Variants in BTBD9 observed in about 807,000 individuals in gnomAD.
BTBD9 encodes the protein BTB domain containing 9, also known as BTB/POZ domain-containing protein 9.
In BTBD9, 49 loss-of-function variants were observed where a neutral mutation model predicts 64.3. That is an observed-to-expected ratio of 0.76 (90% CI 0.61 to 0.97). BTBD9 has a LOEUF of 0.97. Ranked by LOEUF, BTBD9 falls within the 50% of genes least tolerant of loss-of-function variation. The pLI, the probability that BTBD9 is intolerant of heterozygous loss-of-function variation, is 0.00. For synonymous variants in BTBD9, 260 were observed against 274.7 expected, an observed-to-expected ratio of 0.95 and a Z score of 0.53; for missense variants, 598 against 762.1, an observed-to-expected ratio of 0.78 and a Z score of 2.53.
intron 6 of BTBD9, among the ~76,000 whole-genome samples, chr6:38,425,137 G>A (rs1470870428): frequency 7.2e-6 from 1 of 139,234 alleles, no homozygotes; most frequent in Admixed American, 7.4e-5. Context: ...TTTTGAGTGA[G>A]AGTCTTGCTC....
chr6:38,425,722 A>G (rs1447459492), intron 6 of BTBD9, among the ~76,000 whole-genome samples: 2 of 151,302 alleles, frequency 1.3e-5, no homozygotes, highest in Non-Finnish European at 1.5e-5. Context: ...AGTTTGGGCA[A>G]CACAGTGAGA....
intron 6 of BTBD9, among the ~76,000 whole-genome samples, chr6:38,386,593 G>C (rs1377143099): frequency 2.1e-5 from 3 of 144,962 alleles, no homozygotes; most frequent in African/African-American, 7.6e-5. Flanking sequence ...TAAAATTATA[G>C]TGATATTTAT....
At chr6:38,214,938 G>C (rs1762962684) in intron 9 of BTBD9, among the ~76,000 whole-genome samples, 1 of 152,206 alleles carries the variant, frequency 6.6e-6, no homozygotes, top group South Asian at 2.1e-4. Context: ...ATGCCAAAAA[G>C]TCAAAAATTG....
At chr6:38,219,044 G>A (rs1237495248) in intron 9 of BTBD9, among the ~76,000 whole-genome samples, 2 of 151,794 alleles carry the variant, frequency 1.3e-5, no homozygotes, top group Non-Finnish European at 2.9e-5. Context: ...GAGCAATACA[G>A]CCCAAGTGCT....
In BTBD9 at chr6:38,268,330, G is replaced by T. The variant is rs148801988; in HGVS notation, c.1455-11814C>A. The stretch of plus-strand genomic sequence containing the variant: ...AGCGCCAAAGAGAAATTTAATAAGT[G>T]CCATGGCTCCTCCCTGTTCCCTTGG... On this transcript the variant is annotated intron_variant, in intron 8 of 10. Transcript: ENST00000481247. Among the ~76,000 whole-genome samples, 824 of 152,270 alleles carry T rather than the reference G, an allele frequency of 5.4e-3. 6 individuals carry two copies. The highest frequency in any genetic ancestry group is 0.018 in the African/African-American group (734 of 41,554).
intron 6 of BTBD9, among the ~76,000 whole-genome samples, chr6:38,477,819 C>T (rs1271278140): frequency 6.6e-6 from 1 of 152,156 alleles, no homozygotes; most frequent in African/African-American, 2.4e-5. Context: ...ACTCACTTAA[C>T]TCAAACTGAG....
intron 6 of BTBD9, among the ~76,000 whole-genome samples, chr6:38,358,447 T>C (rs1278517268): frequency 6.6e-6 from 1 of 152,180 alleles, no homozygotes; most frequent in Non-Finnish European, 1.5e-5. Context: ...AGTGCCAAAG[T>C]AGGAGAAAGT....
intron 7 of BTBD9, among the ~76,000 whole-genome samples, chr6:38,296,184 C>T (rs867813662): frequency 3.3e-5 from 5 of 151,986 alleles, no homozygotes; most frequent in Admixed American, 6.6e-5. Context: ...CTCCTCTTCT[C>T]CCCCTCCTTT....
chr6:38,276,086 C>T (rs1425614763), intron 8 of BTBD9, among the ~76,000 whole-genome samples: 3 of 152,158 alleles, frequency 2.0e-5, no homozygotes, highest in Non-Finnish European at 2.9e-5. Context: ...ATAGCAAAGA[C>T]TTGGAACCAA....
chr6:38,507,864 C>T (rs139472070), intron 6 of BTBD9, among the ~76,000 whole-genome samples: 31 of 140,572 alleles, frequency 2.2e-4, no homozygotes, highest in East Asian at 1.5e-3. Context: ...GACGGAGTCT[C>T]GCTCTGTCGC....
chr6:38,572,805 C>T (rs1285691068), intron 6 of BTBD9, among the ~76,000 whole-genome samples: 1 of 147,696 alleles, frequency 6.8e-6, no homozygotes, highest in Non-Finnish European at 1.5e-5. Context: ...TATATATATA[C>T]ATAAAAGTTT....
rs548484921 is a variant in BTBD9, at chr6:38,629,716, G to A, written c.-28+10084C>T. On this transcript the variant is annotated intron_variant, in intron 1 of 10. Coordinates refer to ENST00000481247, the MANE Select transcript of BTBD9 (RefSeq NM_001099272.2). ...ATGTGCCTGTAATCCCAGCTACTAG[G>A]GAGGCTGAGGCAGGAGAATCGCTTG... is the stretch of plus-strand genomic sequence containing the variant. Among the ~76,000 whole-genome samples the A allele has an allele frequency of 5.9e-5, 9 of 152,202 alleles. No individual in the cohort carries two copies. The South Asian group carries it at 8.3e-4, about 14-fold the overall frequency.
At chr6:38,474,342 G>A (rs948488925) in intron 6 of BTBD9, among the ~76,000 whole-genome samples, 6 of 152,148 alleles carry the variant, frequency 3.9e-5, no homozygotes, top group Non-Finnish European at 8.8e-5. Context: ...GGCTAATATG[G>A]TGAAATTCTG....
chr6:38,623,355 C>T (rs1778063191), intron 1 of BTBD9, among the ~76,000 whole-genome samples: 2 of 152,298 alleles, frequency 1.3e-5, no homozygotes, highest in South Asian at 4.1e-4. Flanking sequence ...ATAGGAATGG[C>T]CACTGCTACA....
chr6:38,545,561 C>T (rs1410193823), intron 6 of BTBD9, among the ~76,000 whole-genome samples: 1 of 151,778 alleles, frequency 6.6e-6, no homozygotes, highest in Non-Finnish European at 1.5e-5. Context: ...GGGCAAATCA[C>T]GAGGTCAGGA....
intron 6 of BTBD9, among the ~76,000 whole-genome samples, chr6:38,440,904 AT>A (rs913561992): frequency 2.6e-5 from 4 of 152,050 alleles, no homozygotes; most frequent in African/African-American, 7.2e-5. Context: ...CAAATCTAGA[AT>A]TTTTTTTGAT....
intron 6 of BTBD9, among the ~76,000 whole-genome samples, chr6:38,350,671 G>C (rs73730938): frequency 0.015 from 2,248 of 152,240 alleles, 55 homozygotes; most frequent in African/African-American, 0.051. Context: ...TTGAAAACTA[G>C]AGTTAGCCTG....
At chr6:38,407,591 C>T (rs1767225701) in intron 6 of BTBD9, among the ~76,000 whole-genome samples, 1 of 152,080 alleles carries the variant, frequency 6.6e-6, no homozygotes, top group African/African-American at 2.4e-5. Context: ...AAGTCATTTT[C>T]CCAATGTGCT....
chr6:38,630,720 A>C (rs1778334172), intron 1 of BTBD9, among the ~76,000 whole-genome samples: 1 of 152,364 alleles, frequency 6.6e-6, no homozygotes, highest in African/African-American at 2.4e-5. Flanking sequence ...TCTGACATGA[A>C]GTGCCAAAAT....
Sources: allele counts gnomAD v4.1 joint callset (sites outside exome capture counted in the v4.1 genomes callset), GRCh38; gene constraint gnomAD v4.1.1; transcripts MANE v1.5; gene names NCBI Gene and HGNC (gene_info 2026-07-23, HGNC 2026-07-21).